IL1RAPL2: variants seen among roughly 807,000 people sequenced by gnomAD.
The protein encoded by IL1RAPL2 is X-linked interleukin-1 receptor accessory protein-like 2.
In IL1RAPL2, 3 loss-of-function variants were observed where a neutral mutation model predicts 44.1. The ratio of observed to expected loss-of-function variants is 0.07; its 90% confidence interval spans 0.03 to 0.18. The LOEUF is 0.18. Among genes scored for constraint, IL1RAPL2 ranks in the 10% least tolerant of loss-of-function variants. The pLI, the probability that IL1RAPL2 is intolerant of heterozygous loss-of-function variation, is 1.00. For synonymous variants in IL1RAPL2, 181 were observed against 178.8 expected (o/e 1.01, Z -0.10); for missense variants, 391 against 496.4 (o/e 0.79, Z 2.02).
chrX:104,599,278 G>C (rs963613950), intron 1 of IL1RAPL2, among the ~76,000 whole-genome samples: 8 of 111,182 alleles, frequency 7.2e-5, no homozygotes, highest in African/African-American at 2.3e-4. Context: ...ATTTTTTTGA[G>C]ACAGGGTTAC....
At chrX:105,137,063 A>G (rs2033082668) in intron 2 of IL1RAPL2, among the ~76,000 whole-genome samples, 1 of 111,514 alleles carries the variant, frequency 9.0e-6, no homozygotes, top group Non-Finnish European at 1.9e-5. Flanking sequence ...GAGAATGAAG[A>G]CTTATGAGAA....
intron 2 of IL1RAPL2, among the ~76,000 whole-genome samples, chrX:105,042,849 G>C (rs747538492): frequency 0.017 from 1,788 of 105,810 alleles, 47 homozygotes; most frequent in African/African-American, 0.059. Context: ...CAATGATAGA[G>C]TGGATTAAGA....
chrX:105,341,572 C>T (rs2147699634), intron 5 of IL1RAPL2, among the ~76,000 whole-genome samples: 1 of 111,914 alleles, frequency 8.9e-6, no homozygotes, highest in South Asian at 3.7e-4. Context: ...TCATACTTAA[C>T]TTTCTGTATA....
chrX:105,434,038 A>G (rs2147752211), intron 5 of IL1RAPL2, among the ~76,000 whole-genome samples: 1 of 111,772 alleles, frequency 8.9e-6, no homozygotes, highest in Non-Finnish European at 1.9e-5. Flanking sequence ...ACTCAATAAT[A>G]AGAAAACCAA....
At chrX:104,662,015 A>G (rs984721230) in intron 2 of IL1RAPL2, among the ~76,000 whole-genome samples, 3 of 112,347 alleles carry the variant, frequency 2.7e-5, no homozygotes, top group Non-Finnish European at 3.8e-5. Flanking sequence ...GCTGTTGCTA[A>G]TGGCCACCCT....
chrX:105,118,735 C>T (rs1365655038), intron 2 of IL1RAPL2, among the ~76,000 whole-genome samples: 1 of 112,292 alleles, frequency 8.9e-6, no homozygotes, highest in Non-Finnish European at 1.9e-5. Context: ...CTGACAATTC[C>T]TGTTTGGGAA....
chrX:105,224,320 G>A (rs1188672219), intron 3 of IL1RAPL2, among the ~76,000 whole-genome samples: 1 of 111,762 alleles, frequency 8.9e-6, no homozygotes, highest in Non-Finnish European at 1.9e-5. Context: ...GGATGAGGGT[G>A]AACAAAAGGT....
chrX:104,757,033 A>G (rs1400960253), intron 2 of IL1RAPL2, among the ~76,000 whole-genome samples: 1 of 109,456 alleles, frequency 9.1e-6, no homozygotes, highest in Non-Finnish European at 1.9e-5. Context: ...ATCCAAGAGA[A>G]AGAGAGAGAG....
At chrX:105,097,165 A>G (rs2032613848) in intron 2 of IL1RAPL2, among the ~76,000 whole-genome samples, 1 of 108,199 alleles carries the variant, frequency 9.2e-6, no homozygotes, top group African/African-American at 3.4e-5. Context: ...CATCCCTACT[A>G]AAAATATAAA....
chrX:105,021,805 C>T (rs1420202339), intron 2 of IL1RAPL2, among the ~76,000 whole-genome samples: 13 of 111,365 alleles, frequency 1.2e-4, no homozygotes, highest in Non-Finnish European at 1.7e-4. Context: ...TTCTTTCTGC[C>T]TTCCTTTTTA....
At chrX:105,036,666 A>G (rs2031634887) in intron 2 of IL1RAPL2, among the ~76,000 whole-genome samples, 1 of 112,255 alleles carries the variant, frequency 8.9e-6, no homozygotes, top group South Asian at 3.7e-4. Flanking sequence ...ATGTCATGGA[A>G]TGCCTGAAAG....
intron 2 of IL1RAPL2, among the ~76,000 whole-genome samples, chrX:105,093,349 T>C (rs763273209): frequency 4.5e-5 from 5 of 112,072 alleles, no homozygotes; most frequent in South Asian, 3.7e-4. Flanking sequence ...ATAACTATGA[T>C]GACAAAGAAA....
intron 2 of IL1RAPL2, among the ~76,000 whole-genome samples, chrX:104,888,320 CAG>C (rs575416287): frequency 6.3e-3 from 584 of 92,591 alleles, no homozygotes; most frequent in Admixed American, 6.4e-3. Flanking sequence ...AAGAGGGAGT[CAG>C]AGAGAGAGAG....
intron 6 of IL1RAPL2, among the ~76,000 whole-genome samples, chrX:105,556,000 T>G (rs2036893912): frequency 8.9e-6 from 1 of 111,936 alleles, no homozygotes; most frequent in African/African-American, 3.2e-5. Flanking sequence ...CATTTGGACT[T>G]CAGAAGCCTT....
chrX:105,186,048 C>T (rs368068567), intron 2 of IL1RAPL2, among the ~76,000 whole-genome samples: 1 of 111,773 alleles, frequency 8.9e-6, no homozygotes. Flanking sequence ...ATTATAAATA[C>T]TCTAGAGATA....
intron 2 of IL1RAPL2, among the ~76,000 whole-genome samples, chrX:105,177,442 C>T (rs1460634263): frequency 1.8e-5 from 2 of 110,570 alleles, no homozygotes; most frequent in Non-Finnish European, 1.9e-5. Flanking sequence ...AAATGAAGTG[C>T]ACAATAAATG....
intron 2 of IL1RAPL2, among the ~76,000 whole-genome samples, chrX:105,098,191 T>C (rs1212713366): frequency 8.9e-6 from 1 of 112,201 alleles, no homozygotes; most frequent in Non-Finnish European, 1.9e-5. Context: ...AATTTTAATA[T>C]TATCTCCTTC....
Position 105,340,859 on chromosome X carries a change from T to C in IL1RAPL2, c.697+73318T>C, listed in dbSNP as rs72616895. On this transcript the variant is annotated intron_variant, in intron 5 of 10. Transcript: ENST00000372582. ...CATGAAATTTGCTTATTAATTTTGC[T>C]TACTGTTTATTGTCTGTCTTCCCTC... Among the ~76,000 whole-genome samples, 5 of 112,508 alleles carry C rather than the reference T, an allele frequency of 4.4e-5. No individual in the cohort carries two copies. The East Asian group carries it at 1.4e-3, about 31-fold the overall frequency.
intron 1 of IL1RAPL2, among the ~76,000 whole-genome samples, chrX:104,592,143 ATATG>A (rs1295185356): frequency 4.6e-5 from 2 of 43,464 alleles, no homozygotes; most frequent in Non-Finnish European, 1.0e-4. Flanking sequence ...TAATGCCCGT[ATATG>A]TGTGTGTGTG....
Sources: gnomAD v4.1 joint callset for allele counts (sites outside exome capture counted in the v4.1 genomes callset) on GRCh38, gnomAD v4.1.1 for gene constraint, MANE v1.5 for transcripts, NCBI Gene and HGNC (gene_info 2026-07-23, HGNC 2026-07-21) for gene names.